Variants in INPP5B observed in about 807,000 individuals in gnomAD.
The protein encoded by INPP5B is type II inositol 1,4,5-trisphosphate 5-phosphatase.
INPP5B carries 90 observed loss-of-function variants against 118.5 expected under a neutral mutation model. The ratio of observed to expected loss-of-function variants is 0.76; its 90% CI spans 0.64 to 0.90. INPP5B has a LOEUF of 0.90. Ranked by LOEUF, INPP5B falls within the 40% of genes least tolerant of loss-of-function variation. The pLI, the probability that INPP5B is intolerant of heterozygous loss-of-function variation, is 0.00. For synonymous variants in INPP5B, 385 were observed against 418.9 expected (o/e 0.92, Z 0.99); for missense variants, 984 against 1,125.6 (o/e 0.87, Z 1.80).
At chr1:37,942,291 G>A (rs2127645) in intron 5 of INPP5B, 66,296 of 150,972 alleles carry the variant, frequency 0.44, 16,994 homozygotes, top group Non-Finnish European at 0.58. Context: ...AAAATTAGCC[G>A]GGTGTGGTGG....
chr1:37,927,290 G>A (rs1483132028), intron 7 of INPP5B, among the ~76,000 whole-genome samples: 13 of 151,096 alleles, frequency 8.6e-5, no homozygotes, highest in South Asian at 8.4e-4. Flanking sequence ...GCAAGACTCC[G>A]TCTCAAAAAA....
chr1:37,870,430 T>G (rs1333620683), intron 19 of INPP5B, among the ~76,000 whole-genome samples: 2 of 152,230 alleles, frequency 1.3e-5, no homozygotes, highest in African/African-American at 4.8e-5. Flanking sequence ...GTTTCTCTAA[T>G]GTACTGCTAC....
In INPP5B at chr1:37,878,326, G is replaced by A. The variant is rs1276995234; in HGVS notation, c.1542-3C>T. ...AGGCAGGAGCACGGCACTTCTCACT[G>A]AAATGCAAAGTCCACACTGGAAGTA... is the stretch of plus-strand genomic sequence containing the variant. On this transcript the variant is annotated splice_polypyrimidine_tract_variant and splice_region_variant and intron_variant, in intron 15 of 23. Coordinates refer to ENST00000373024, the MANE Select transcript of INPP5B (RefSeq NM_005540.3). The A allele has an allele frequency of 6.2e-7, 1 of 1,613,794 alleles. No individual in the cohort carries two copies. The highest frequency in any genetic ancestry group is 2.2e-5 in the East Asian group (1 of 44,870).
intron 7 of INPP5B, among the ~76,000 whole-genome samples, chr1:37,893,408 C>G (rs974391871): frequency 6.6e-6 from 1 of 152,110 alleles, no homozygotes; most frequent in Non-Finnish European, 1.5e-5. Context: ...TTATAAACCA[C>G]TCAGTCTATG....
chr1:37,920,736 G>A (rs555543806), intron 7 of INPP5B, among the ~76,000 whole-genome samples: 6 of 151,304 alleles, frequency 4.0e-5, no homozygotes, highest in Non-Finnish European at 5.9e-5. Flanking sequence ...TTCTATTTTC[G>A]ACTCCGCCAA....
Position 37,862,314 on chromosome 1 carries a change from C to T in INPP5B, c.*1G>A, listed in dbSNP as rs1359734872. ...CAAGTAAAATAGGAGGAGAGAGAGGCTCAGAGTGGGTTGCAGAGGAACTGG... is the reference window on the plus strand; with the variant it reads ...CAAGTAAAATAGGAGGAGAGAGAGGTTCAGAGTGGGTTGCAGAGGAACTGG... On this transcript the variant is annotated 3_prime_UTR_variant, in exon 24 of 24. Coordinates refer to ENST00000373024, the MANE Select transcript of INPP5B (RefSeq NM_005540.3). 6.2e-7 allele frequency: 1 copy of T among 1,601,046 alleles called. No individual in the cohort carries two copies. Among genetic ancestry groups the T allele is most frequent in the African/African-American group, 1.3e-5 (1 of 74,630 alleles).
At chr1:37,925,923 C>T (rs545936614) in intron 7 of INPP5B, among the ~76,000 whole-genome samples, 11 of 152,308 alleles carry the variant, frequency 7.2e-5, no homozygotes, top group Admixed American at 3.9e-4. Context: ...AAATAAGTTA[C>T]TTAGGAGCCT....
Position 37,864,373 on chromosome 1 carries a change from C to T in INPP5B, c.2565G>A (p.Met855Ile). 2 of 1,613,568 alleles carry T rather than the reference C, an allele frequency of 1.2e-6. No individual in the cohort carries two copies. The highest frequency in any genetic ancestry group is 1.7e-6 in the Non-Finnish European group (2 of 1,179,548). The change falls in exon 23 of 24, where the codon ATG (methionine) becomes ATA (isoleucine). Residue 855 changes from methionine (M) to isoleucine (I), a missense_variant. Physicochemically the swap from Met to Ile is conservative, Grantham distance 10. Around this residue, in one of 2 missense-constraint regions of INPP5B, gnomAD observed 634 missense variants for 791.0 expected, o/e 0.80. Transcript: ENST00000373024. ...IFHKNVFHYLMAFLRELLKNS... is the reference protein window; with the variant it reads ...IFHKNVFHYLIAFLRELLKNS... ...TTTTCAGCAGTTCTCGCAAAAACGC[C>T]ATCAAGTAGTGGAAGACATTTTTGT...
rs1268931939 is a variant in INPP5B at position 37,923,589 on chromosome 1, A to G, written c.532+8324T>C. On this transcript the variant is annotated intron_variant, in intron 7 of 23. Transcript: ENST00000373024. Reference sequence around the variant, plus strand: ...AGAAGACTACTGCAACAGTTCAGCTAAGAGGATACCAACATGAATAAGGGG... The same window carrying G: ...AGAAGACTACTGCAACAGTTCAGCTGAGAGGATACCAACATGAATAAGGGG... Among the ~76,000 whole-genome samples, 4 of 152,260 alleles carry G rather than the reference A, an allele frequency of 2.6e-5. No homozygotes were observed. The East Asian group carries it at 7.7e-4, about 29-fold the overall frequency.
chr1:37,931,955 A>C lies in INPP5B; in HGVS notation c.490T>G (p.Ser164Ala). Residue 164 changes from serine (S) to alanine (A), a missense_variant, in exon 7 of 24, where the codon TCG becomes GCG. Ser to Ala is a moderately conservative substitution (Grantham distance 99). Transcript: ENST00000373024. ...TACCCTGGCCAGGTAACTAGGGCCG[A>C]GTTACAACCGCGCGGCGTTGGCATC... ...LEMPTPRGCN[S>A]ALVTWPGYAT... 6.2e-7 allele frequency: 1 copy of C among 1,613,982 alleles called. No homozygotes were observed. The highest frequency in any genetic ancestry group is 8.5e-7 in the Non-Finnish European group (1 of 1,179,980).
intron 7 of INPP5B, among the ~76,000 whole-genome samples, chr1:37,926,459 A>G (rs988640428): frequency 2.6e-5 from 4 of 151,920 alleles, no homozygotes; most frequent in Admixed American, 6.6e-5. Context: ...AATTTTTTAT[A>G]TTTTAGTAGA....
intron 7 of INPP5B, among the ~76,000 whole-genome samples, chr1:37,900,036 T>C (rs187499797): frequency 6.6e-6 from 1 of 151,916 alleles, no homozygotes; most frequent in East Asian, 1.9e-4. Context: ...ACTGGAAGTT[T>C]GTCTGGTGTT....
chr1:37,868,950 A>G (rs1027307486), intron 19 of INPP5B, among the ~76,000 whole-genome samples: 18 of 152,110 alleles, frequency 1.2e-4, no homozygotes, highest in Non-Finnish European at 2.1e-4. Flanking sequence ...CAAAAATCTG[A>G]GTTCAAGGCC....
At chr1:37,924,911 C>T (rs755613530) in intron 7 of INPP5B, among the ~76,000 whole-genome samples, 4 of 151,818 alleles carry the variant, frequency 2.6e-5, no homozygotes, top group Admixed American at 1.3e-4. Flanking sequence ...TGATGGCTCA[C>T]GCCTATAATC....
chr1:37,946,232 A>G lies in INPP5B; in HGVS notation c.57+20T>C. 1.9e-6 allele frequency: 3 copies of G among 1,605,294 alleles called. No homozygotes were observed. The highest frequency in any genetic ancestry group is 2.6e-6 in the Non-Finnish European group (3 of 1,175,478). ...AAGGCCAGGGCAGGCTCAGGGCCGC[A>G]GTTAGCACAGGAAGGATATGATGAC... On this transcript the variant is annotated intron_variant, in intron 2 of 23. Coordinates refer to ENST00000373024, the MANE Select transcript of INPP5B (RefSeq NM_005540.3).
chr1:37,928,352 T>C (rs1057224348), intron 7 of INPP5B, among the ~76,000 whole-genome samples: 1 of 151,740 alleles, frequency 6.6e-6, no homozygotes, highest in African/African-American at 2.4e-5. Context: ...TTCTGTTTTT[T>C]TGGGGTTTTT....
chr1:37,941,703 C>T (rs1645918144), intron 5 of INPP5B, among the ~76,000 whole-genome samples: 1 of 149,892 alleles, frequency 6.7e-6, no homozygotes, highest in Admixed American at 6.7e-5. Context: ...CTTTGGGAGG[C>T]CGAGGCGGGC....
At chr1:37,875,858 A>C in intron 16 of INPP5B, 142 bp from the exon 17 acceptor site, 2 of 611,400 alleles carry the variant, frequency 3.3e-6, no homozygotes, top group East Asian at 2.8e-5. Flanking sequence ...TAATTAATGA[A>C]CTCCATTAAC....
chr1:37,886,873 C>G lies in INPP5B; in HGVS notation c.1131+15G>C, dbSNP rs1360321517. On this transcript the variant is annotated intron_variant, in intron 12 of 23. Transcript: ENST00000373024. The stretch of plus-strand genomic sequence containing the variant: ...AAGGTCCTCAATGTGCCAAACAAAC[C>G]AACCAAGGACTCACCATCCTCCCCA... The G allele has an allele frequency of 8.7e-6, 14 of 1,606,482 alleles. No individual in the cohort carries two copies. The highest frequency in any genetic ancestry group is 4.0e-5 in the African/African-American group (3 of 74,780).
Sources: allele counts gnomAD v4.1 joint callset (sites outside exome capture counted in the v4.1 genomes callset), GRCh38; gene constraint gnomAD v4.1.1; regional missense constraint gnomAD v4.1.1; transcripts MANE v1.5; gene names NCBI Gene and HGNC (gene_info 2026-07-23, HGNC 2026-07-21).